Variants in PHACTR3 observed in about 807,000 individuals in gnomAD.
The protein encoded by PHACTR3 is phosphatase and actin regulator 3, also known as protein phosphatase 1, regulatory subunit 123.
A neutral mutation model predicts 66.8 loss-of-function variants in PHACTR3; 16 were observed. The ratio of observed to expected loss-of-function variants is 0.24; its 90% CI spans 0.16 to 0.36. The LOEUF is 0.36. PHACTR3 is among the 10% of genes least tolerant of loss of function. PHACTR3 has a pLI of 1.00. For missense variants in PHACTR3, 647 were observed against 719.9 expected, an observed-to-expected ratio of 0.90 and a Z score of 1.16; for synonymous variants, 323 against 292.1, an observed-to-expected ratio of 1.11 and a Z score of -1.08.
intron 1 of PHACTR3, among the ~76,000 whole-genome samples, chr20:59,583,831 T>C (rs975561301): frequency 1.3e-5 from 2 of 152,190 alleles, no homozygotes; most frequent in South Asian, 2.1e-4. Flanking sequence ...GCTGGTGACC[T>C]TGTGGCCTAG....
chr20:59,699,916 C>T (rs1252900756), intron 1 of PHACTR3, among the ~76,000 whole-genome samples: 2 of 152,100 alleles, frequency 1.3e-5, no homozygotes, highest in African/African-American at 4.8e-5. Context: ...GAGCCAAGAT[C>T]GCGCCACTGC....
intron 1 of PHACTR3, among the ~76,000 whole-genome samples, chr20:59,585,002 AC>A (rs1005076653): frequency 6.6e-6 from 1 of 152,150 alleles, no homozygotes. Flanking sequence ...GGGGATCAAA[AC>A]TTCAACATAT....
intron 1 of PHACTR3, among the ~76,000 whole-genome samples, chr20:59,658,440 T>A (rs1267936538): frequency 6.6e-6 from 1 of 152,138 alleles, no homozygotes; most frequent in Admixed American, 6.6e-5. Context: ...GATACTTGTT[T>A]TCTTTTCCTC....
chr20:59,779,848 C>A (rs1037665471), intron 7 of PHACTR3, among the ~76,000 whole-genome samples: 1 of 152,192 alleles, frequency 6.6e-6, no homozygotes, highest in Admixed American at 6.5e-5. Flanking sequence ...GCCTGGTCAG[C>A]GGTGGGTGAG....
At chr20:59,677,954 C>T (rs1303599861) in intron 1 of PHACTR3, among the ~76,000 whole-genome samples, 2 of 152,200 alleles carry the variant, frequency 1.3e-5, no homozygotes, top group Non-Finnish European at 2.9e-5. Flanking sequence ...CAACTCTCAG[C>T]AGAAGGAAGC....
At chr20:59,580,311 G>T (rs1035678129) in intron 1 of PHACTR3, among the ~76,000 whole-genome samples, 1 of 152,158 alleles carries the variant, frequency 6.6e-6, no homozygotes, top group Non-Finnish European at 1.5e-5. Context: ...ACCTCAAGAA[G>T]GTCCCTTTGA....
intron 1 of PHACTR3, among the ~76,000 whole-genome samples, chr20:59,657,782 G>T (rs1340682181): frequency 1.3e-5 from 2 of 152,036 alleles, no homozygotes; most frequent in African/African-American, 4.8e-5. Context: ...CTTGGGTGCA[G>T]GTCTCTTTGC....
At chr20:59,803,765 G>A (rs1489639082) in intron 7 of PHACTR3, among the ~76,000 whole-genome samples, 7 of 152,224 alleles carry the variant, frequency 4.6e-5, no homozygotes, top group South Asian at 4.1e-4. Context: ...GAAAAAGTCC[G>A]GGATGAACAT....
chr20:59,658,567 G>A (rs1349025449), intron 1 of PHACTR3, among the ~76,000 whole-genome samples: 1 of 152,044 alleles, frequency 6.6e-6, no homozygotes, highest in African/African-American at 2.4e-5. Flanking sequence ...TGCAGCCTTG[G>A]GAGTGTGCAC....
intron 11 of PHACTR3, chr20:59,844,303 T>A (rs1162780800): frequency 6.6e-6 from 1 of 152,108 alleles, no homozygotes; most frequent in African/African-American, 2.4e-5. Context: ...GAAATGCCAC[T>A]TCTAGGTATA....
intron 4 of PHACTR3, among the ~76,000 whole-genome samples, chr20:59,764,468 G>A (rs1446034840): frequency 6.6e-6 from 1 of 152,140 alleles, no homozygotes; most frequent in African/African-American, 2.4e-5. Context: ...TTTCATGTTG[G>A]CCTTTCCATA....
At chr20:59,643,162 C>T (rs560028373) in intron 1 of PHACTR3, among the ~76,000 whole-genome samples, 30 of 152,286 alleles carry the variant, frequency 2.0e-4, no homozygotes, top group East Asian at 9.6e-4. Flanking sequence ...CCGCCCGCCT[C>T]GGCCTCCCAA....
intron 1 of PHACTR3, among the ~76,000 whole-genome samples, chr20:59,582,504 G>T (rs1407725133): frequency 2.0e-5 from 3 of 152,158 alleles, no homozygotes; most frequent in Non-Finnish European, 1.5e-5. Context: ...TTAAATTTAA[G>T]CTGCTATTGC....
At chr20:59,691,869 C>T (rs78680860) in intron 1 of PHACTR3, among the ~76,000 whole-genome samples, 5,054 of 152,306 alleles carry the variant, frequency 0.033, 118 homozygotes, top group Middle Eastern at 0.075. Flanking sequence ...CAGATCCACT[C>T]GCCCCACCAA....
intron 5 of PHACTR3, among the ~76,000 whole-genome samples, chr20:59,771,259 G>A (rs1209595446): frequency 6.6e-6 from 1 of 152,148 alleles, no homozygotes; most frequent in Non-Finnish European, 1.5e-5. Flanking sequence ...AGGCAATGAT[G>A]GTTAGAGACA....
At chr20:59,580,790 T>C (rs4812111) in intron 1 of PHACTR3, among the ~76,000 whole-genome samples, 65,080 of 152,088 alleles carry the variant, frequency 0.43, 16,905 homozygotes, top group African/African-American at 0.71. Context: ...AGTTGCCCAA[T>C]TCTTTTGAAA....
At chr20:59,666,658 G>A (rs940243175) in intron 1 of PHACTR3, among the ~76,000 whole-genome samples, 18 of 152,136 alleles carry the variant, frequency 1.2e-4, no homozygotes, top group African/African-American at 4.3e-4. Context: ...AAGACAGAGA[G>A]ATAGAGAAAC....
chr20:59,729,490 A>G (rs1235716584), intron 1 of PHACTR3, among the ~76,000 whole-genome samples: 1 of 152,170 alleles, frequency 6.6e-6, no homozygotes. Flanking sequence ...TTAGTGTCCC[A>G]GGATGATGAA....
chr20:59,651,034 G>T (rs2035442766), intron 1 of PHACTR3, among the ~76,000 whole-genome samples: 1 of 151,072 alleles, frequency 6.6e-6, no homozygotes, highest in African/African-American at 2.5e-5. Context: ...ATGCATGAAT[G>T]TTGTGTGTGT....
Sources: gnomAD v4.1 joint callset for allele counts (sites outside exome capture counted in the v4.1 genomes callset) on GRCh38, gnomAD v4.1.1 for gene constraint, MANE v1.5 for transcripts, NCBI Gene and HGNC (gene_info 2026-07-23, HGNC 2026-07-21) for gene names.